The following ATG4B variants were observed in gnomAD, a reference collection of about 807,000 sequenced individuals.
ATG4B encodes the protein cysteine protease ATG4B.
ATG4B carries 29 observed loss-of-function variants against 56.6 expected under a neutral mutation model. That is an observed-to-expected ratio of 0.51 (90% confidence interval 0.38 to 0.70). The LOEUF is 0.70. Among genes scored for constraint, ATG4B ranks in the 30% least tolerant of loss-of-function variants. The pLI is 0.00. For missense variants in ATG4B, 461 were observed against 515.5 expected (o/e 0.89, Z 1.02); for synonymous variants, 224 against 206.1 (o/e 1.09, Z -0.74).
intron 1 of ATG4B, among the ~76,000 whole-genome samples, chr2:241,646,096 G>A (rs145468931): frequency 6.6e-6 from 1 of 152,348 alleles, no homozygotes; most frequent in African/African-American, 2.4e-5. Context: ...AGCTGGAGGT[G>A]TGGTGGTGTA....
chr2:241,659,055 GA>G (rs2068506219), intron 6 of ATG4B, 52 bp from the exon 7 acceptor site: 1 of 1,416,700 alleles, frequency 7.1e-7, no homozygotes, highest in African/African-American at 1.4e-5. Flanking sequence ...CTGCAAAGAT[GA>G]ACCGTCTTTG....
chr2:241,649,968 G>C (rs1174262159), intron 1 of ATG4B, among the ~76,000 whole-genome samples: 1 of 152,082 alleles, frequency 6.6e-6, no homozygotes, highest in East Asian at 1.9e-4. Context: ...ACTTTTAGTA[G>C]AGACGGAGTT....
chr2:241,642,227 C>A (rs1196727318), intron 1 of ATG4B, among the ~76,000 whole-genome samples: 1 of 146,776 alleles, frequency 6.8e-6, no homozygotes, highest in Non-Finnish European at 1.5e-5. Context: ...GTGCGGTGGG[C>A]GCGATCTAGG....
intron 1 of ATG4B, among the ~76,000 whole-genome samples, chr2:241,650,025 C>G (rs1249966116): frequency 1.3e-5 from 2 of 152,180 alleles, no homozygotes; most frequent in Admixed American, 6.5e-5. Flanking sequence ...CTCAGGTGAT[C>G]TGCCCACCTC....
intron 4 of ATG4B, 121 bp from the exon 5 acceptor site, chr2:241,654,419 TAAAAAA>T (rs201525288): frequency 1.1e-3 from 480 of 438,376 alleles, no homozygotes; most frequent in East Asian, 8.0e-3. Flanking sequence ...AGACTCTGTT[TAAAAAA>T]AAAAAAAAAA....
chr2:241,650,703 G>A (rs1025212202), intron 1 of ATG4B, among the ~76,000 whole-genome samples: 11 of 151,690 alleles, frequency 7.3e-5, no homozygotes, highest in South Asian at 2.1e-4. Flanking sequence ...TCTCACCCTC[G>A]TGTCAGCTGT....
intron 3 of ATG4B, among the ~76,000 whole-genome samples, chr2:241,652,357 G>T (rs558234594): frequency 5.3e-5 from 8 of 152,210 alleles, no homozygotes; most frequent in Non-Finnish European, 1.2e-4. Flanking sequence ...ACCCTGCCGC[G>T]TGCTGGGAAG....
At chr2:241,655,115 CAT>C in intron 5 of ATG4B, 154 bp from the exon 6 acceptor site, 1 of 685,112 alleles carries the variant, frequency 1.5e-6, no homozygotes. Flanking sequence ...TTTGCCCCCT[CAT>C]GCCTCCCCCG....
rs375039810 is a variant in ATG4B at position 241,668,211 on chromosome 2, C to T, written c.801C>T (p.Ile267=). 237 of 1,603,672 alleles carry T rather than the reference C, an allele frequency of 1.5e-4. 1 individual carries two copies. The highest frequency in any genetic ancestry group is 2.3e-4 in the South Asian group (20 of 88,640). ...AGCCCAACAGCGCCCACTACTTCAT[C>T]GGCTACGTTGGTGAGTCCAGGGTTC... ...GGKPNSAHYF[I]GYVGEELIYL... Residue 267 remains isoleucine, a synonymous_variant, in exon 9 of 13, where the codon ATC becomes ATT. Transcript: ENST00000404914. The surrounding 1 kb of genome is among the most constrained non-coding windows in gnomAD (Gnocchi z 4.2).
At position 241,637,744 on chromosome 2, in the gene ATG4B, C is replaced by T. The variant is rs1300538486; in HGVS notation, c.10+20C>T. ...ACGCAGGTGAGGAGTTGCCGGGGGT[C>T]GGTCTTTCCGCAGGAGGTGCTCGCC... On this transcript the variant is annotated intron_variant, in intron 1 of 12. Coordinates refer to ENST00000404914, the MANE Select transcript of ATG4B (RefSeq NM_013325.5). 6 of 1,571,184 alleles carry T rather than the reference C, an allele frequency of 3.8e-6. No homozygotes were observed. The highest frequency in any genetic ancestry group is 5.2e-6 in the Non-Finnish European group (6 of 1,162,676).
intron 7 of ATG4B, among the ~76,000 whole-genome samples, chr2:241,664,266 C>T (rs778297293): frequency 2.0e-5 from 3 of 152,118 alleles, no homozygotes; most frequent in African/African-American, 2.4e-5. Flanking sequence ...CTGTGGCTCC[C>T]GCCTGTAATC....
At chr2:241,671,653 G>T in intron 12 of ATG4B, 2 of 1,444,280 alleles carry the variant, frequency 1.4e-6, no homozygotes, top group South Asian at 2.7e-5. Flanking sequence ...GTGGAGCTGG[G>T]CGTGCTACCA....
chr2:241,665,179 A>G (rs1021494440), intron 7 of ATG4B, among the ~76,000 whole-genome samples: 1 of 152,192 alleles, frequency 6.6e-6, no homozygotes, highest in Non-Finnish European at 1.5e-5. Context: ...CTGTTTTGAG[A>G]AATTTGAGTC....
At chr2:241,643,704 C>T (rs1435511105) in intron 1 of ATG4B, among the ~76,000 whole-genome samples, 1 of 134,526 alleles carries the variant, frequency 7.4e-6, no homozygotes, top group African/African-American at 3.0e-5. Flanking sequence ...TCCCCCCCCC[C>T]CGTCGTCCAG....
At chr2:241,659,365 C>T (rs762128613) in intron 7 of ATG4B, 178 bp downstream of exon 7, 124 of 683,686 alleles carry the variant, frequency 1.8e-4, no homozygotes, top group East Asian at 5.5e-4. Flanking sequence ...TCTCCTATCC[C>T]GGCGGTCATA....
chr2:241,670,461 T>C, intron 10 of ATG4B: 5 of 558,242 alleles, frequency 9.0e-6, no homozygotes, highest in Non-Finnish European at 1.6e-5. Context: ...GTTTGAGAGA[T>C]GCACACCACG....
Position 241,662,855 on chromosome 2 carries a change from C to T in ATG4B, c.538+3668C>T, listed in dbSNP as rs370202641. ...TTCAAAACCAATAAAGTGGGCCGGGCGCGGTGGCTCACGCCTATAATCCCA... is the reference window on the plus strand; with the variant it reads ...TTCAAAACCAATAAAGTGGGCCGGGTGCGGTGGCTCACGCCTATAATCCCA... On this transcript the variant is annotated intron_variant, in intron 7 of 12. Coordinates refer to ENST00000404914, the MANE Select transcript of ATG4B (RefSeq NM_013325.5). Among the ~76,000 whole-genome samples, 31 of 151,530 alleles carry T rather than the reference C, an allele frequency of 2.0e-4. No homozygotes were observed. In the East Asian group the frequency reaches 5.1e-3, roughly 25 times the overall value.
Position 241,672,315 on chromosome 2 carries a change from C to A in ATG4B, c.*51C>A, listed in dbSNP as rs951642790. On this transcript the variant is annotated 3_prime_UTR_variant, in exon 13 of 13. Transcript: ENST00000404914. ...TGTGAGAGCCTGGGGCTCCTGGTGC[C>A]GCTGCGTTTCATCCATCCCGCCCGC... 2 of 1,479,786 alleles carry A rather than the reference C, an allele frequency of 1.4e-6. No individual in the cohort carries two copies. Among genetic ancestry groups the A allele is most frequent in the African/African-American group, 1.4e-5 (1 of 71,638 alleles). The allele number at this position is 1,479,786 out of a possible 1,614,324, so 91.7% of individuals were successfully genotyped here. A position where few individuals can be genotyped will look rare whatever the true frequency, so the allele number is the denominator to read the frequency against.
chr2:241,655,549 C>T (rs1195586928), intron 6 of ATG4B: 2 of 594,358 alleles, frequency 3.4e-6, no homozygotes, highest in East Asian at 2.9e-5. Context: ...CCGTAGTCCA[C>T]ATCCTGGCTG....
Sources: allele counts gnomAD v4.1 joint callset (sites outside exome capture counted in the v4.1 genomes callset), GRCh38; gene constraint gnomAD v4.1.1; non-coding constraint Gnocchi (gnomAD v3.1); transcripts MANE v1.5; gene names NCBI Gene and HGNC (gene_info 2026-07-23, HGNC 2026-07-21).